SCLT1: variants seen among roughly 807,000 people sequenced by gnomAD.
The protein encoded by SCLT1 is sodium channel and clathrin linker 1.
SCLT1 carries 78 observed loss-of-function variants against 112.8 expected under a neutral mutation model. That is an observed-to-expected ratio of 0.69 (90% CI 0.58 to 0.83). The LOEUF (loss-of-function observed/expected upper bound fraction) is 0.83. SCLT1 is among the 40% of genes least tolerant of loss of function. SCLT1 has a pLI of 0.00. For missense variants in SCLT1, 747 were observed against 770.4 expected (o/e 0.97, Z 0.36); for synonymous variants, 257 against 254.7 (o/e 1.01, Z -0.09).
chr4:128,908,513 T>C (rs1734860622), intron 18 of SCLT1, among the ~76,000 whole-genome samples: 1 of 152,206 alleles, frequency 6.6e-6, no homozygotes, highest in African/African-American at 2.4e-5. Flanking sequence ...ACTCTATATG[T>C]ACAGTTTGTT....
In SCLT1 at chr4:128,884,263, T is replaced by C. The variant is rs1005267564; in HGVS notation, c.*214A>G. The stretch of plus-strand genomic sequence containing the variant: ...AATGAGTTCTTCTCAGCTGGTTTAT[T>C]CTCCACTGAAGCTCAATATAGGATT... On this transcript the variant is annotated 3_prime_UTR_variant, in exon 21 of 21. Transcript: ENST00000281142. 1 of 389,280 alleles carries C rather than the reference T, an allele frequency of 2.6e-6. No individual in the cohort carries two copies. Among genetic ancestry groups the C allele is most frequent in the African/African-American group, 2.1e-5 (1 of 48,300 alleles). 24.1% of individuals were successfully genotyped at this position (389,280 alleles called of 1,614,324 possible). A position where few individuals can be genotyped will look rare whatever the true frequency, so the allele number is the denominator to read the frequency against.
chr4:128,923,413 C>A (rs1736030278), intron 18 of SCLT1, among the ~76,000 whole-genome samples: 1 of 145,604 alleles, frequency 6.9e-6, no homozygotes, highest in Non-Finnish European at 1.5e-5. Context: ...CCACTGCACT[C>A]CAGCCTGGGT....
chr4:129,011,151 C>T (rs1318812222), intron 5 of SCLT1, among the ~76,000 whole-genome samples: 4 of 152,234 alleles, frequency 2.6e-5, no homozygotes, highest in Admixed American at 6.5e-5. Context: ...TTAATGAAAG[C>T]CTTTTCTGCT....
chr4:128,881,276 C>T (rs1184519198), downstream of SCLT1, among the ~76,000 whole-genome samples: 2 of 151,880 alleles, frequency 1.3e-5, no homozygotes, highest in East Asian at 1.9e-4. Flanking sequence ...TGCAAAAAAG[C>T]TCATTACAAA....
chr4:129,006,321 C>T (rs1448546731), intron 5 of SCLT1, among the ~76,000 whole-genome samples: 1 of 151,850 alleles, frequency 6.6e-6, no homozygotes, highest in Non-Finnish European at 1.5e-5. Context: ...GGGTGGATCA[C>T]GAGGTCAGGA....
intron 6 of SCLT1, among the ~76,000 whole-genome samples, chr4:129,002,015 A>AG (rs1326361033): frequency 6.6e-6 from 1 of 152,032 alleles, no homozygotes; most frequent in Non-Finnish European, 1.5e-5. Flanking sequence ...ATTAAAAAAA[A>AG]TTAGTGTTAA....
At chr4:128,927,119 G>A (rs186703473) in intron 18 of SCLT1, among the ~76,000 whole-genome samples, 25 of 152,026 alleles carry the variant, frequency 1.6e-4, no homozygotes, top group Admixed American at 1.6e-3. Flanking sequence ...CTAAATATCA[G>A]TGAATGAAAT....
intron 18 of SCLT1, among the ~76,000 whole-genome samples, chr4:128,930,038 A>T (rs1309796422): frequency 6.6e-6 from 1 of 152,198 alleles, no homozygotes; most frequent in African/African-American, 2.4e-5. Flanking sequence ...ATATGTCCAG[A>T]AATTCTTGGA....
At chr4:129,066,160 C>T (rs1008317570) in intron 2 of SCLT1, among the ~76,000 whole-genome samples, 1 of 151,954 alleles carries the variant, frequency 6.6e-6, no homozygotes, top group African/African-American at 2.4e-5. Context: ...AAAACATATA[C>T]ATTTAACTGT....
intron 5 of SCLT1, among the ~76,000 whole-genome samples, chr4:129,035,160 T>C (rs534282698): frequency 1.2e-4 from 19 of 152,280 alleles, no homozygotes; most frequent in African/African-American, 4.6e-4. Context: ...ATAATATCAC[T>C]TAAGGACTTT....
At chr4:129,008,050 C>T (rs903405266) in intron 5 of SCLT1, among the ~76,000 whole-genome samples, 2 of 152,066 alleles carry the variant, frequency 1.3e-5, no homozygotes, top group South Asian at 2.1e-4. Context: ...CCTAAATGTA[C>T]GGTATTGCTG....
At chr4:129,068,290 T>C (rs1447540751) in intron 2 of SCLT1, among the ~76,000 whole-genome samples, 2 of 152,182 alleles carry the variant, frequency 1.3e-5, no homozygotes, top group Admixed American at 6.5e-5. Flanking sequence ...CTTTAAGGAA[T>C]CTCCACACTG....
At chr4:128,878,101 T>C (rs1732562763) in intron 3 of SCLT1, among the ~76,000 whole-genome samples, 1 of 152,196 alleles carries the variant, frequency 6.6e-6, no homozygotes, top group African/African-American at 2.4e-5. Flanking sequence ...ACTAATATCT[T>C]AACACTAAAT....
At chr4:128,927,981 C>A (rs1303628066) in intron 18 of SCLT1, among the ~76,000 whole-genome samples, 2 of 151,682 alleles carry the variant, frequency 1.3e-5, no homozygotes, top group Non-Finnish European at 2.9e-5. Flanking sequence ...TCCAAAAATA[C>A]TAAAAATTTA....
intron 5 of SCLT1, among the ~76,000 whole-genome samples, chr4:129,025,672 A>C (rs1162393490): frequency 6.6e-6 from 1 of 152,206 alleles, no homozygotes; most frequent in Non-Finnish European, 1.5e-5. Context: ...TAACATCATA[A>C]TGACAGGATC....
At chr4:128,960,010 C>A (rs377208336) in intron 11 of SCLT1, among the ~76,000 whole-genome samples, 1 of 152,050 alleles carries the variant, frequency 6.6e-6, no homozygotes, top group Non-Finnish European at 1.5e-5. Context: ...AAGATCATAG[C>A]GCTAATGAGC....
chr4:129,079,373 G>C (rs1751736203), intron 2 of SCLT1, among the ~76,000 whole-genome samples: 1 of 152,194 alleles, frequency 6.6e-6, no homozygotes, highest in South Asian at 2.1e-4. Context: ...TGAAGGTATA[G>C]AATTGGGTAA....
At chr4:129,091,195 C>A (rs866332296) in intron 1 of SCLT1, among the ~76,000 whole-genome samples, 3 of 152,006 alleles carry the variant, frequency 2.0e-5, no homozygotes, top group African/African-American at 7.3e-5. Context: ...AAAAGGAGAG[C>A]GACACAGACA....
Position 128,884,401 on chromosome 4 carries a change from G to C in SCLT1, c.*76C>G, listed in dbSNP as rs1183319923. 11 of 855,588 alleles carry C rather than the reference G, an allele frequency of 1.3e-5. No homozygotes were observed. The highest frequency in any genetic ancestry group is 2.0e-5 in the Non-Finnish European group (10 of 505,318). 53.0% of individuals were successfully genotyped at this position (855,588 alleles called of 1,614,324 possible). A position where few individuals can be genotyped will look rare whatever the true frequency, so the allele number is the denominator to read the frequency against. On this transcript the variant is annotated 3_prime_UTR_variant, in exon 21 of 21. Transcript: ENST00000281142. ...AAGCCTTAACTATTATACTTTGCAG[G>C]CTTTACCATTTCAATACACTTCTAG...
Sources: gnomAD v4.1 joint callset for allele counts (sites outside exome capture counted in the v4.1 genomes callset) on GRCh38, gnomAD v4.1.1 for gene constraint, MANE v1.5 for transcripts, NCBI Gene and HGNC (gene_info 2026-07-23, HGNC 2026-07-21) for gene names.